ERC2: variants seen among roughly 807,000 people sequenced by gnomAD.
ERC2 encodes the protein ERC protein 2.
A neutral mutation model predicts 114.8 loss-of-function variants in ERC2; 42 were observed. The observed-to-expected ratio is 0.37, with a 90% CI of 0.29 to 0.47. The LOEUF (loss-of-function observed/expected upper bound fraction) is 0.47. ERC2 is among the 20% of genes least tolerant of loss of function. The pLI is 0.99. For synonymous variants in ERC2, 454 were observed against 425.5 expected, an observed-to-expected ratio of 1.07 and a Z score of -0.82; for missense variants, 939 against 1,150.7, an observed-to-expected ratio of 0.82 and a Z score of 2.66.
rs59635680 is a variant in ERC2 at position 56,026,057 on chromosome 3, CTTTTTTTTTTTTTT to C, written c.1642-7040_1642-7027del. Among the ~76,000 whole-genome samples the C allele has an allele frequency of 7.2e-5, 5 of 69,194 alleles. No homozygotes were observed. The South Asian group carries it at 2.5e-3, about 35-fold the overall frequency. The allele number at this position is 69,194 out of a possible 152,430, so 45.4% of individuals were successfully genotyped here. A position where few individuals can be genotyped will look rare whatever the true frequency, so the allele number is the denominator to read the frequency against. On this transcript the variant is annotated intron_variant, in intron 7 of 17. Transcript: ENST00000288221. ...GCAAACCCCCTTCCTCCGTTTCTTT[CTTTTTTTTTTTTTT>C]TTTTTTTTTTTCGAGATGGAGTCTC...
intron 14 of ERC2, among the ~76,000 whole-genome samples, chr3:55,815,726 G>A (rs919495758): frequency 2.0e-5 from 3 of 152,266 alleles, no homozygotes; most frequent in Non-Finnish European, 2.9e-5. Context: ...GAAAACTAAC[G>A]CGGGGGATTC....
At chr3:56,436,619 G>A (rs966244590) in intron 1 of ERC2, among the ~76,000 whole-genome samples, 6 of 152,128 alleles carry the variant, frequency 3.9e-5, no homozygotes, top group African/African-American at 1.4e-4. Flanking sequence ...GGTGCAAGGG[G>A]TGAGAACATG....
At chr3:55,828,958 T>C (rs1180936791) in intron 14 of ERC2, among the ~76,000 whole-genome samples, 1 of 152,004 alleles carries the variant, frequency 6.6e-6, no homozygotes, top group Non-Finnish European at 1.5e-5. Flanking sequence ...GTCAACATAG[T>C]GAGATCCTGT....
chr3:56,431,496 CCA>C (rs1286855589), intron 2 of ERC2, among the ~76,000 whole-genome samples: 1 of 152,176 alleles, frequency 6.6e-6, no homozygotes, highest in Non-Finnish European at 1.5e-5. Flanking sequence ...AAGACCCGTC[CCA>C]CAGAGTCACC....
At chr3:55,790,060 C>T (rs184586607) in intron 14 of ERC2, among the ~76,000 whole-genome samples, 1 of 152,160 alleles carries the variant, frequency 6.6e-6, no homozygotes, top group South Asian at 2.1e-4. Context: ...AGGCTCTCCC[C>T]CAAACATGAA....
chr3:55,961,044 C>CGCTGG (rs1553753138), intron 12 of ERC2, among the ~76,000 whole-genome samples: 1 of 152,246 alleles, frequency 6.6e-6, no homozygotes, highest in Non-Finnish European at 1.5e-5. Context: ...TGAGCTACTC[C>CGCTGG]GCTGGGGCGG....
chr3:56,188,553 T>C (rs1575745615), intron 3 of ERC2, among the ~76,000 whole-genome samples: 1 of 152,110 alleles, frequency 6.6e-6, no homozygotes, highest in Non-Finnish European at 1.5e-5. Flanking sequence ...AACACAGTTA[T>C]GGTGGTGGTG....
chr3:56,233,833 T>C (rs1171369085), intron 3 of ERC2, among the ~76,000 whole-genome samples: 2 of 152,152 alleles, frequency 1.3e-5, no homozygotes, highest in Non-Finnish European at 2.9e-5. Flanking sequence ...AGCAATCACA[T>C]CAATCTGACC....
intron 3 of ERC2, among the ~76,000 whole-genome samples, chr3:56,207,445 A>G (rs1458826068): frequency 6.6e-6 from 1 of 151,988 alleles, no homozygotes; most frequent in Non-Finnish European, 1.5e-5. Context: ...TACTTACTAA[A>G]ACTGGTATCA....
chr3:55,945,798 A>G (rs2067089486), intron 13 of ERC2, among the ~76,000 whole-genome samples: 1 of 152,180 alleles, frequency 6.6e-6, no homozygotes, highest in South Asian at 2.1e-4. Flanking sequence ...CCACGGGCAG[A>G]GAAGAAACTT....
intron 7 of ERC2, among the ~76,000 whole-genome samples, chr3:56,044,011 T>A (rs572266493): frequency 2.4e-4 from 36 of 152,202 alleles, no homozygotes; most frequent in Non-Finnish European, 4.9e-4. Context: ...TCTTAAGTAC[T>A]CAAAGGATTA....
At chr3:55,863,402 G>T (rs537593424) in intron 14 of ERC2, among the ~76,000 whole-genome samples, 148 of 152,200 alleles carry the variant, frequency 9.7e-4, no homozygotes, top group Non-Finnish European at 1.7e-3. Flanking sequence ...TAAGTACATG[G>T]AAAAACTATG....
chr3:55,758,126 T>TA (rs2067178419), intron 14 of ERC2, among the ~76,000 whole-genome samples: 1 of 152,204 alleles, frequency 6.6e-6, no homozygotes, highest in African/African-American at 2.4e-5. Flanking sequence ...GTGATTCCAA[T>TA]AATCTGCTAT....
intron 17 of ERC2, among the ~76,000 whole-genome samples, chr3:55,605,112 T>G (rs2058586367): frequency 6.6e-6 from 1 of 152,180 alleles, no homozygotes; most frequent in African/African-American, 2.4e-5. Context: ...ATTTTTTTTT[T>G]TTTTTAGTTG....
At chr3:55,897,448 C>G (rs1156943912) in intron 13 of ERC2, among the ~76,000 whole-genome samples, 1 of 152,222 alleles carries the variant, frequency 6.6e-6, no homozygotes, top group Non-Finnish European at 1.5e-5. Context: ...CGCCATCCAT[C>G]CTGGTTTCCT....
At chr3:55,745,117 CT>C (rs758125773) in intron 14 of ERC2, among the ~76,000 whole-genome samples, 5 of 152,172 alleles carry the variant, frequency 3.3e-5, no homozygotes, top group African/African-American at 4.8e-5. Flanking sequence ...GCACATTTGA[CT>C]TTCATGAGTT....
chr3:55,962,384 T>G (rs946001410), intron 12 of ERC2, among the ~76,000 whole-genome samples: 1 of 152,256 alleles, frequency 6.6e-6, no homozygotes, highest in Non-Finnish European at 1.5e-5. Context: ...CTTTCTCATG[T>G]AGTACAAAAG....
intron 4 of ERC2, among the ~76,000 whole-genome samples, chr3:56,161,723 G>T (rs1298262068): frequency 6.6e-6 from 1 of 152,150 alleles, no homozygotes; most frequent in East Asian, 1.9e-4. Context: ...GTATAGAAAT[G>T]TTACTGATTT....
At chr3:55,691,391 G>C (rs141910917) in intron 16 of ERC2, among the ~76,000 whole-genome samples, 2 of 151,494 alleles carry the variant, frequency 1.3e-5, no homozygotes, top group African/African-American at 2.4e-5. Flanking sequence ...GAGTGGCAAC[G>C]GTCAAAACTT....
Sources: allele counts gnomAD v4.1 joint callset (sites outside exome capture counted in the v4.1 genomes callset), GRCh38; gene constraint gnomAD v4.1.1; transcripts MANE v1.5; gene names NCBI Gene and HGNC (gene_info 2026-07-23, HGNC 2026-07-21).